The following PDE7B variants were observed in gnomAD, a reference collection of about 807,000 sequenced individuals.
PDE7B encodes phosphodiesterase 7B.
PDE7B carries 29 observed loss-of-function variants against 56.2 expected under a neutral mutation model. That is an observed-to-expected ratio of 0.52 (90% CI 0.38 to 0.70). The LOEUF (loss-of-function observed/expected upper bound fraction) is 0.70, where lower values mean the gene tolerates loss of function less well. Ranked by LOEUF, PDE7B falls within the 30% of genes least tolerant of loss-of-function variation. The pLI is 0.00. For missense variants in PDE7B, 490 were observed against 565.0 expected, an observed-to-expected ratio of 0.87 and a Z score of 1.35; for synonymous variants, 197 against 196.9, an observed-to-expected ratio of 1.00 and a Z score of 0.00.
intron 2 of PDE7B, among the ~76,000 whole-genome samples, chr6:136,085,191 G>GAGTT (rs1263463030): frequency 1.5e-4 from 23 of 152,322 alleles, no homozygotes; most frequent in African/African-American, 5.1e-4. Flanking sequence ...TGGCTCACCA[G>GAGTT]AGTTACAGGA....
At chr6:135,914,472 C>T (rs1484250015) in intron 1 of PDE7B, among the ~76,000 whole-genome samples, 2 of 141,052 alleles carry the variant, frequency 1.4e-5, no homozygotes, top group Non-Finnish European at 3.1e-5. Context: ...GGCTTATTTC[C>T]CTTTTTATAA....
chr6:135,994,832 T>C (rs1028133116), intron 2 of PDE7B, among the ~76,000 whole-genome samples: 4 of 152,220 alleles, frequency 2.6e-5, no homozygotes, highest in Non-Finnish European at 5.9e-5. Flanking sequence ...ACTAAAGCTC[T>C]CATTTTAAAA....
At chr6:136,175,787 T>C (rs1379288128) in intron 9 of PDE7B, among the ~76,000 whole-genome samples, 2 of 152,096 alleles carry the variant, frequency 1.3e-5, no homozygotes, top group African/African-American at 4.8e-5. Context: ...TCAGGAAGTA[T>C]TTGTAGATAA....
At chr6:136,182,091 T>G (rs927719600) in intron 11 of PDE7B, among the ~76,000 whole-genome samples, 3 of 152,140 alleles carry the variant, frequency 2.0e-5, no homozygotes, top group Non-Finnish European at 4.4e-5. Flanking sequence ...AAATAAAGCT[T>G]GAAGTGTCCC....
intron 2 of PDE7B, among the ~76,000 whole-genome samples, chr6:136,010,236 T>A (rs11154847): frequency 0.28 from 43,130 of 152,054 alleles, 7,445 homozygotes; most frequent in Admixed American, 0.41. Flanking sequence ...CAATTTTTTT[T>A]ATTGTATTCT....
chr6:136,150,344 C>G (rs1778488502), intron 5 of PDE7B, among the ~76,000 whole-genome samples: 1 of 152,110 alleles, frequency 6.6e-6, no homozygotes, highest in South Asian at 2.1e-4. Context: ...AGTTTCAGGT[C>G]TCATGTGTAA....
chr6:136,114,013 C>T (rs1161078099), intron 3 of PDE7B, among the ~76,000 whole-genome samples: 1 of 152,154 alleles, frequency 6.6e-6, no homozygotes, highest in Non-Finnish European at 1.5e-5. Context: ...GGAAAAGAAA[C>T]AGCTTCAGCC....
At chr6:136,004,782 G>A (rs1257735835) in intron 2 of PDE7B, among the ~76,000 whole-genome samples, 5 of 152,100 alleles carry the variant, frequency 3.3e-5, no homozygotes, top group Non-Finnish European at 7.4e-5. Context: ...TACTGCCCAA[G>A]GTAATTTATA....
At chr6:136,140,942 T>C (rs1026423232) in intron 3 of PDE7B, among the ~76,000 whole-genome samples, 3 of 152,054 alleles carry the variant, frequency 2.0e-5, no homozygotes, top group African/African-American at 7.2e-5. Context: ...CTTTTCCTGA[T>C]TGAATACCCT....
chr6:135,947,472 C>A lies in PDE7B; in HGVS notation c.30C>A (p.Gly10=). Residue 10 remains glycine (G), a synonymous_variant, in exon 2 of 13, where the codon GGC becomes GGA. Coordinates refer to ENST00000308191, the MANE Select transcript of PDE7B (RefSeq NM_018945.4). The stretch of plus-strand genomic sequence containing the variant: ...CTATCTTTCTATTTCAGAGGTGTGG[C>A]GAAATCTTGTTTGAGAACCCCGATC... The part of the protein sequence containing the change: MSCLMVERC[G]EILFENPDQN... 1 of 1,611,114 alleles carries A rather than the reference C, an allele frequency of 6.2e-7. No homozygotes were observed.
chr6:136,142,204 C>T (rs1186534855), intron 3 of PDE7B, among the ~76,000 whole-genome samples: 4 of 152,132 alleles, frequency 2.6e-5, no homozygotes, highest in Non-Finnish European at 5.9e-5. Context: ...GCCTTCATTT[C>T]GTTATGTACC....
intron 2 of PDE7B, among the ~76,000 whole-genome samples, chr6:135,950,850 T>C (rs1774687448): frequency 6.6e-6 from 1 of 152,188 alleles, no homozygotes; most frequent in African/African-American, 2.4e-5. Context: ...GCCATTCTTA[T>C]GGAAAATTAC....
At chr6:136,126,485 A>C (rs1489160182) in intron 3 of PDE7B, among the ~76,000 whole-genome samples, 1 of 152,234 alleles carries the variant, frequency 6.6e-6, no homozygotes, top group African/African-American at 2.4e-5. Flanking sequence ...TTATTATATG[A>C]AAAAGATACT....
At chr6:136,088,910 A>G (rs1021363474) in intron 2 of PDE7B, among the ~76,000 whole-genome samples, 3 of 152,116 alleles carry the variant, frequency 2.0e-5, no homozygotes, top group African/African-American at 7.2e-5. Context: ...GGGGGAAGCC[A>G]AGTAAATTGA....
chr6:136,033,026 G>A (rs1334846623), intron 2 of PDE7B, among the ~76,000 whole-genome samples: 1 of 152,200 alleles, frequency 6.6e-6, no homozygotes, highest in Non-Finnish European at 1.5e-5. Context: ...TGACAGACTC[G>A]AATGTGAAAT....
At chr6:135,981,558 A>G (rs976488719) in intron 2 of PDE7B, among the ~76,000 whole-genome samples, 2 of 150,334 alleles carry the variant, frequency 1.3e-5, no homozygotes, top group Non-Finnish European at 3.0e-5. Flanking sequence ...AAACCGAGAC[A>G]CAAATGCACA....
At chr6:136,132,010 T>A (rs1312935817) in intron 3 of PDE7B, among the ~76,000 whole-genome samples, 8 of 152,190 alleles carry the variant, frequency 5.3e-5, no homozygotes, top group Admixed American at 2.0e-4. Context: ...GTCCTCTTAT[T>A]GGTTTTGTTT....
intron 1 of PDE7B, among the ~76,000 whole-genome samples, chr6:135,922,041 T>C (rs1774091697): frequency 6.6e-6 from 1 of 152,190 alleles, no homozygotes; most frequent in South Asian, 2.1e-4. Context: ...TTTACTGTAG[T>C]TATATGAAAT....
At chr6:136,091,061 T>A (rs917040813) in intron 2 of PDE7B, among the ~76,000 whole-genome samples, 3 of 152,182 alleles carry the variant, frequency 2.0e-5, no homozygotes, top group Non-Finnish European at 4.4e-5. Context: ...CCTATTTGCT[T>A]TTGCCTCATG....
Sources: allele counts gnomAD v4.1 joint callset (sites outside exome capture counted in the v4.1 genomes callset), GRCh38; gene constraint gnomAD v4.1.1; transcripts MANE v1.5; gene names NCBI Gene and HGNC (gene_info 2026-07-23, HGNC 2026-07-21).